SOHLH2: variants seen among roughly 807,000 people sequenced by gnomAD.
SOHLH2 encodes the protein spermatogenesis- and oogenesis-specific basic helix-loop-helix-containing protein 2.
SOHLH2 carries 22 observed loss-of-function variants against 50.4 expected under a neutral mutation model. The observed-to-expected ratio is 0.44, with a 90% CI of 0.31 to 0.62. SOHLH2 has a LOEUF of 0.62. Among genes scored for constraint, SOHLH2 ranks in the 20% least tolerant of loss-of-function variants. SOHLH2 has a pLI of 0.08. For missense variants in SOHLH2, 412 were observed against 504.4 expected (o/e 0.82, Z 1.76); for synonymous variants, 185 against 187.3 (o/e 0.99, Z 0.10).
chr13:36,173,869 C>G, intron 8 of SOHLH2, 59 bp from the exon 9 acceptor site: 1 of 1,587,210 alleles, frequency 6.3e-7, no homozygotes, highest in South Asian at 1.1e-5. Flanking sequence ...GTGGACACTG[C>G]TGAGTTCAAT....
chr13:36,212,990 TGA>T (rs1235046914), intron 1 of SOHLH2, among the ~76,000 whole-genome samples: 1 of 152,220 alleles, frequency 6.6e-6, no homozygotes, highest in Non-Finnish European at 1.5e-5. Flanking sequence ...TACATTTTAG[TGA>T]GTTGTTATTT....
chr13:36,175,696 C>G (rs575144174), intron 6 of SOHLH2, among the ~76,000 whole-genome samples: 4 of 152,122 alleles, frequency 2.6e-5, no homozygotes, highest in Non-Finnish European at 4.4e-5. Context: ...CTGTAAACAC[C>G]AGAATGGCAG....
intron 2 of SOHLH2, among the ~76,000 whole-genome samples, chr13:36,196,790 T>G (rs912892052): frequency 1.3e-4 from 20 of 152,150 alleles, no homozygotes; most frequent in African/African-American, 4.8e-4. Context: ...ATTTCAAGCT[T>G]TACATCAGAC....
At chr13:36,183,552 T>C (rs188523255) in intron 6 of SOHLH2, among the ~76,000 whole-genome samples, 8 of 151,948 alleles carry the variant, frequency 5.3e-5, no homozygotes, top group Admixed American at 4.6e-4. Context: ...AAAAAGAAAA[T>C]AGATTAGACT....
chr13:36,184,046 C>G (rs1370203572), intron 6 of SOHLH2, among the ~76,000 whole-genome samples: 1 of 152,148 alleles, frequency 6.6e-6, no homozygotes, highest in Non-Finnish European at 1.5e-5. Context: ...ACCCCCCAAA[C>G]AGAAGAATAC....
chr13:36,193,881 G>A lies in SOHLH2; in HGVS notation c.264-14C>T. 6.3e-7 allele frequency: 1 copy of A among 1,589,550 alleles called. No individual in the cohort carries two copies. Among genetic ancestry groups the A allele is most frequent in the South Asian group, 1.2e-5 (1 of 84,706 alleles). ...TTTTTGCCAAATCTGAGAGAGGAAA[G>A]AAAATGTTAAAATGAAGCAAAATCA... On this transcript the variant is annotated splice_polypyrimidine_tract_variant and intron_variant, in intron 2 of 10. Coordinates refer to ENST00000379881, the MANE Select transcript of SOHLH2 (RefSeq NM_017826.3).
chr13:36,203,408 C>A (rs1868546877), intron 1 of SOHLH2, among the ~76,000 whole-genome samples: 1 of 152,122 alleles, frequency 6.6e-6, no homozygotes, highest in Non-Finnish European at 1.5e-5. Context: ...TAAATGTGCT[C>A]ATCTGTCATC....
intron 6 of SOHLH2, among the ~76,000 whole-genome samples, chr13:36,180,606 A>AT (rs143552466): frequency 0.2 from 26,900 of 133,072 alleles, 2,705 homozygotes; most frequent in East Asian, 0.45. Context: ...TTTTCTTGTG[A>AT]TTTTTTTTTT....
chr13:36,201,048 C>CAAAAAAAAAAAAA (rs10660002), intron 2 of SOHLH2, among the ~76,000 whole-genome samples: 51 of 55,832 alleles, frequency 9.1e-4, no homozygotes, highest in Admixed American at 1.2e-3. Flanking sequence ...GACTCTGCCT[C>CAAAAAAAAAAAAA]AAAAAAAAAA....
chr13:36,198,121 T>A (rs1358833385), intron 2 of SOHLH2, among the ~76,000 whole-genome samples: 1 of 152,174 alleles, frequency 6.6e-6, no homozygotes, highest in Non-Finnish European at 1.5e-5. Context: ...TAAAGCTACA[T>A]GGGGAAGAAA....
chr13:36,184,701 A>G (rs560611981), intron 6 of SOHLH2, among the ~76,000 whole-genome samples: 2 of 151,938 alleles, frequency 1.3e-5, no homozygotes, highest in East Asian at 1.9e-4. Context: ...CTCGTGATCC[A>G]CCCGCCTTGG....
chr13:36,196,086 A>G (rs1887714481), intron 2 of SOHLH2, among the ~76,000 whole-genome samples: 1 of 131,514 alleles, frequency 7.6e-6, no homozygotes, highest in Non-Finnish European at 1.6e-5. Flanking sequence ...TATACATTTT[A>G]GACAGACAGA....
At chr13:36,201,788 T>A (rs1172588804) in intron 2 of SOHLH2, 91 bp downstream of exon 2, 4 of 1,514,556 alleles carry the variant, frequency 2.6e-6, no homozygotes, top group Non-Finnish European at 3.5e-6. Flanking sequence ...AAAAGTAAAA[T>A]AGAAATATAT....
At chr13:36,175,333 C>T (rs1349718733) in intron 6 of SOHLH2, among the ~76,000 whole-genome samples, 1 of 152,232 alleles carries the variant, frequency 6.6e-6, no homozygotes, top group Non-Finnish European at 1.5e-5. Context: ...GTCACTGGGA[C>T]CTAGACCACA....
rs539670119 is a variant in SOHLH2 at position 36,190,165 on chromosome 13, C to T, written c.531-109G>A. ...AAAGGATGCTTCTCTAAGTCTCTTG[C>T]TTCATACAAAGGGGCAATAAGTGTC... On this transcript the variant is annotated intron_variant, in intron 5 of 10. Coordinates refer to ENST00000379881, the MANE Select transcript of SOHLH2 (RefSeq NM_017826.3). 5.2e-6 allele frequency: 5 copies of T among 968,764 alleles called. No homozygotes were observed. In the African/African-American group the frequency reaches 8.2e-5, roughly 16 times the overall value. 60.0% of individuals were successfully genotyped at this position (968,764 alleles called of 1,614,324 possible). A position where few individuals can be genotyped will look rare whatever the true frequency, so the allele number is the denominator to read the frequency against.
At chr13:36,186,383 G>A (rs1447590525) in intron 6 of SOHLH2, among the ~76,000 whole-genome samples, 1 of 152,182 alleles carries the variant, frequency 6.6e-6, no homozygotes, top group South Asian at 2.1e-4. Flanking sequence ...ACAAGGCACG[G>A]ATGTCTACTT....
At chr13:36,176,569 G>T (rs1478140330) in intron 6 of SOHLH2, among the ~76,000 whole-genome samples, 1 of 151,960 alleles carries the variant, frequency 6.6e-6, no homozygotes, top group East Asian at 1.9e-4. Flanking sequence ...GGGACCCAAG[G>T]TTTAATACAA....
chr13:36,184,936 G>C (rs538545414), intron 6 of SOHLH2, among the ~76,000 whole-genome samples: 1 of 151,136 alleles, frequency 6.6e-6, no homozygotes, highest in African/African-American at 2.4e-5. Flanking sequence ...TCAACCCCCC[G>C]ACAGGCCCTG....
intron 2 of SOHLH2, among the ~76,000 whole-genome samples, chr13:36,199,160 T>C (rs1333166985): frequency 6.6e-6 from 1 of 152,146 alleles, no homozygotes; most frequent in Admixed American, 6.5e-5. Flanking sequence ...CTCATTACCA[T>C]AAGAAAAACT....
Sources: gnomAD v4.1 joint callset for allele counts (sites outside exome capture counted in the v4.1 genomes callset) on GRCh38, gnomAD v4.1.1 for gene constraint, MANE v1.5 for transcripts, NCBI Gene and HGNC (gene_info 2026-07-23, HGNC 2026-07-21) for gene names.